The following RALGAPB variants were observed in gnomAD, a reference collection of about 807,000 sequenced individuals.
The protein encoded by RALGAPB is Ral GTPase activating protein non-catalytic subunit beta.
In RALGAPB, 25 loss-of-function variants were observed where a neutral mutation model predicts 161.1. The ratio of observed to expected loss-of-function variants is 0.16; its 90% CI spans 0.11 to 0.22. The LOEUF (loss-of-function observed/expected upper bound fraction) is 0.22, where lower values mean the gene tolerates loss of function less well. Ranked by LOEUF, RALGAPB falls within the 10% of genes least tolerant of loss-of-function variation. The probability of loss-of-function intolerance (pLI) is 1.00; values close to 1 mark genes in which losing one functional copy is unlikely to be tolerated. For synonymous variants in RALGAPB, 629 were observed against 626.1 expected (o/e 1.00, Z -0.07); for missense variants, 1,391 against 1,815.2 (o/e 0.77, Z 4.25).
At chr20:38,566,883 A>G (rs909266677) in intron 25 of RALGAPB, among the ~76,000 whole-genome samples, 1 of 152,250 alleles carries the variant, frequency 6.6e-6, no homozygotes, top group African/African-American at 2.4e-5. Context: ...TAAATAAAAT[A>G]TAAAGAAGAA....
rs1350616703 is a variant in RALGAPB at position 38,488,629 on chromosome 20, C to A, written c.186+11C>A. The A allele has an allele frequency of 1.6e-5, 25 of 1,597,608 alleles. No individual in the cohort carries two copies. Among genetic ancestry groups the A allele is most frequent in the Non-Finnish European group, 2.0e-5 (23 of 1,169,104 alleles). On this transcript the variant is annotated intron_variant, in intron 2 of 29. Transcript: ENST00000262879. ...AAAACTGACAAAGAAGTAAGTGTTT[C>A]TAAATTTCATTCTCTTATATGAAAA... is the stretch of plus-strand genomic sequence containing the variant.
intron 23 of RALGAPB, among the ~76,000 whole-genome samples, chr20:38,559,672 C>T (rs113906110): frequency 0.033 from 5,079 of 152,050 alleles, 132 homozygotes; most frequent in African/African-American, 0.072. Context: ...CCAGCCTGGG[C>T]GAAGAAGTGA....
chr20:38,473,108 C>T (rs2084698124), intron 1 of RALGAPB, 39 bp downstream of exon 1: 2 of 340,750 alleles, frequency 5.9e-6, no homozygotes, highest in Non-Finnish European at 1.1e-5. Flanking sequence ...CGGACCCTCC[C>T]CTCTCCTTCC....
chr20:38,518,355 A>T lies in RALGAPB; in HGVS notation c.1417+355A>T, dbSNP rs373466393. On this transcript the variant is annotated intron_variant, in intron 9 of 29. Transcript: ENST00000262879. ...TAAAGAATTAAAAATTCGAACTGGA[A>T]ATTTACAAGAAGTGTTTTCGATTTT... 1.6e-3 allele frequency among the ~76,000 whole-genome samples: 241 copies of T among 152,290 alleles called. 2 individuals carry two copies. The highest frequency in any genetic ancestry group is 5.6e-3 in the African/African-American group (231 of 41,550).
chr20:38,570,851 C>T lies in RALGAPB; in HGVS notation c.4142+4C>T, dbSNP rs747470807. On this transcript the variant is annotated splice_donor_region_variant and intron_variant, in intron 28 of 29. Coordinates refer to ENST00000262879, the MANE Select transcript of RALGAPB (RefSeq NM_020336.4). ...CAAATAGTAGCACTTCACTGAGGTA[C>T]ACTCTATTTGCTTGAAGTTCATCAG... is the stretch of plus-strand genomic sequence containing the variant. 2 of 1,578,700 alleles carry T rather than the reference C, an allele frequency of 1.3e-6. No homozygotes were observed. The highest frequency in any genetic ancestry group is 1.1e-5 in the South Asian group (1 of 89,488).
At chr20:38,474,383 G>C (rs561927066) in intron 1 of RALGAPB, among the ~76,000 whole-genome samples, 29 of 152,160 alleles carry the variant, frequency 1.9e-4, no homozygotes, top group African/African-American at 6.0e-4. Flanking sequence ...TCCGCCTCCT[G>C]AGCTCAAGCA....
chr20:38,495,653 T>C (rs1304976263), intron 3 of RALGAPB, among the ~76,000 whole-genome samples: 2 of 152,216 alleles, frequency 1.3e-5, no homozygotes, highest in African/African-American at 4.8e-5. Context: ...ACCACTGTTC[T>C]AAAGCAGTTT....
At chr20:38,530,923 G>A (rs982452871) in intron 13 of RALGAPB, among the ~76,000 whole-genome samples, 3 of 146,300 alleles carry the variant, frequency 2.1e-5, no homozygotes, top group Non-Finnish European at 4.5e-5. Context: ...TCTAGGCTAT[G>A]CAGTTTGGGA....
chr20:38,539,049 A>G (rs1200237089), intron 16 of RALGAPB, among the ~76,000 whole-genome samples: 1 of 152,264 alleles, frequency 6.6e-6, no homozygotes, highest in African/African-American at 2.4e-5. Context: ...ACTACTATTC[A>G]GCAATAGAAA....
rs146626920 is a variant in RALGAPB at position 38,574,845 on chromosome 20, C to T, written c.4363C>T (p.Pro1455Ser). ...ACTGGAAAGTGACTCCTACAGTCCC[C>T]CCCATGTCCGCCGGAAACAGAAAAT... The part of the protein sequence containing the change: ...KRLESDSYSP[P>S]HVRRKQKITD... The change falls in exon 30 of 30, where the codon CCC becomes TCC. Residue 1455 changes from proline to serine, a missense_variant. Around this residue, in one of 3 missense-constraint regions of RALGAPB, gnomAD observed 436 missense variants for 527.0 expected, o/e 0.83. Coordinates refer to ENST00000262879, the MANE Select transcript of RALGAPB (RefSeq NM_020336.4). The T allele has an allele frequency of 1.9e-6, 3 of 1,613,640 alleles. No homozygotes were observed. The African/African-American group carries it at 4.0e-5, about 22-fold the overall frequency.
At chr20:38,520,195 C>G (rs2086247340) in intron 9 of RALGAPB, 30 of 615,788 alleles carry the variant, frequency 4.9e-5, no homozygotes, top group Non-Finnish European at 5.9e-5. Context: ...TTTATAATTA[C>G]TACTGTCCTT....
chr20:38,531,573 G>GT (rs917360425), intron 14 of RALGAPB, among the ~76,000 whole-genome samples: 3 of 152,174 alleles, frequency 2.0e-5, no homozygotes, highest in African/African-American at 7.2e-5. Flanking sequence ...CAAGCAACTA[G>GT]TTTAACTTTT....
intron 5 of RALGAPB, among the ~76,000 whole-genome samples, chr20:38,507,587 C>A (rs954226820): frequency 6.6e-6 from 1 of 152,168 alleles, no homozygotes; most frequent in Non-Finnish European, 1.5e-5. Context: ...ATCGCCCAGG[C>A]AGGCAGGACT....
At chr20:38,521,740 A>AT (rs2086296679) in intron 10 of RALGAPB, 42 bp downstream of exon 10, 6 of 1,598,764 alleles carry the variant, frequency 3.8e-6, no homozygotes, top group Non-Finnish European at 5.1e-6. Flanking sequence ...TATAGTTTTG[A>AT]TAGTGAAGCC....
chr20:38,503,137 TAAC>T (rs1321358972), intron 5 of RALGAPB, among the ~76,000 whole-genome samples: 1 of 152,238 alleles, frequency 6.6e-6, no homozygotes, highest in Non-Finnish European at 1.5e-5. Context: ...ATTTTCTTAA[TAAC>T]ATTTTATTTA....
At chr20:38,531,281 T>C (rs758804090) in intron 14 of RALGAPB, 50 bp downstream of exon 14, 4 of 1,433,884 alleles carry the variant, frequency 2.8e-6, no homozygotes, top group Non-Finnish European at 3.9e-6. Context: ...TTGAATTTCA[T>C]GTAAATTATA....
At chr20:38,544,196 T>G (rs1379510327) in intron 18 of RALGAPB, among the ~76,000 whole-genome samples, 1 of 152,218 alleles carries the variant, frequency 6.6e-6, no homozygotes, top group African/African-American at 2.4e-5. Context: ...TGTTAAAAAC[T>G]TGATACTTTA....
intron 3 of RALGAPB, among the ~76,000 whole-genome samples, chr20:38,496,432 G>T (rs1224059244): frequency 6.6e-6 from 1 of 152,132 alleles, no homozygotes; most frequent in African/African-American, 2.4e-5. Context: ...GTAGAAACTT[G>T]GCCTCAAGAC....
chr20:38,566,929 A>G (rs537819537), intron 25 of RALGAPB, among the ~76,000 whole-genome samples, 167 bp from the exon 26 acceptor site: 3 of 152,364 alleles, frequency 2.0e-5, no homozygotes, highest in South Asian at 2.1e-4. Context: ...AAAGCCTAAA[A>G]TACTTAGTAC....
Sources: gnomAD v4.1 joint callset for allele counts (sites outside exome capture counted in the v4.1 genomes callset) on GRCh38, gnomAD v4.1.1 for gene constraint, gnomAD v4.1.1 regional missense constraint, MANE v1.5 for transcripts, NCBI Gene and HGNC (gene_info 2026-07-23, HGNC 2026-07-21) for gene names.